The following ENG variants were observed in gnomAD, a reference collection of about 807,000 sequenced individuals.
ENG encodes the protein CD105 antigen.
A neutral mutation model predicts 71.0 loss-of-function variants in ENG; 17 were observed. That is an observed-to-expected ratio of 0.24 (90% CI 0.16 to 0.36). The LOEUF (loss-of-function observed/expected upper bound fraction) is 0.36, where lower values mean the gene tolerates loss of function less well. Ranked by LOEUF, ENG falls within the 10% of genes least tolerant of loss-of-function variation. The probability of loss-of-function intolerance (pLI) is 1.00; values close to 1 mark genes in which losing one functional copy is unlikely to be tolerated. For missense variants in ENG, 749 were observed against 868.3 expected, an observed-to-expected ratio of 0.86 and a Z score of 1.73; for synonymous variants, 360 against 366.9, an observed-to-expected ratio of 0.98 and a Z score of 0.21.
At chr9:127,815,849 G>A (rs1236183989) in intron 14 of ENG, 43 bp from the exon 15 acceptor site, 1 of 1,550,688 alleles carries the variant, frequency 6.4e-7, no homozygotes, top group South Asian at 1.2e-5. Flanking sequence ...CAGGGTCCTG[G>A]CCAGGGCCCC....
chr9:127,835,383 T>A (rs1830876265), intron 2 of ENG, among the ~76,000 whole-genome samples: 1 of 152,136 alleles, frequency 6.6e-6, no homozygotes. Context: ...CCCTCTCAAC[T>A]GCACCTCTCT....
intron 8 of ENG, among the ~76,000 whole-genome samples, chr9:127,820,299 T>C (rs1316799327): frequency 6.6e-6 from 1 of 152,086 alleles, no homozygotes; most frequent in Admixed American, 6.5e-5. Flanking sequence ...GTTCAAGCGA[T>C]TCTCCTGCCT....
chr9:127,825,286 T>C lies in ENG; in HGVS notation c.761A>G (p.Gln254Arg), dbSNP rs1830580986. 4 of 1,611,148 alleles carry C rather than the reference T, an allele frequency of 2.5e-6. No individual in the cohort carries two copies. In the East Asian group the frequency reaches 8.9e-5, roughly 36 times the overall value. ...PGDLDAVLIL[Q>R]GPPYVSWLID... is the part of the protein sequence containing the mutation. ...GAGCCAGGACACGTAGGGGGGACCC[T>C]GCAGGATGAGGACGGCATCGAGATC... Residue 254 changes from glutamine (Q) to arginine (R), a missense_variant, in exon 6 of 15, where the codon CAG becomes CGG. Transcript: ENST00000373203.
At chr9:127,843,346 C>G (rs1831088154) in intron 1 of ENG, 101 bp from the exon 2 acceptor site, 1 of 1,494,994 alleles carries the variant, frequency 6.7e-7, no homozygotes, top group African/African-American at 1.4e-5. Flanking sequence ...GAGCTAACGG[C>G]TTTCCTGCAT....
In ENG at chr9:127,825,362, G is replaced by C. The variant is rs374628465; in HGVS notation, c.690-5C>G. ...TTCACCGTCACCGTCCGGGGCCTGCGGGGAGACAGACGCGGATGGAACACT... is the reference window on the plus strand; with the variant it reads ...TTCACCGTCACCGTCCGGGGCCTGCCGGGAGACAGACGCGGATGGAACACT... On this transcript the variant is annotated splice_polypyrimidine_tract_variant and splice_region_variant and intron_variant, in intron 5 of 14. Transcript: ENST00000373203. 1.2e-6 allele frequency: 2 copies of C among 1,609,754 alleles called. No homozygotes were observed. Among genetic ancestry groups the C allele is most frequent in the Non-Finnish European group, 1.7e-6 (2 of 1,179,604 alleles).
chr9:127,829,094 T>G (rs1016852802), intron 3 of ENG, among the ~76,000 whole-genome samples: 5 of 152,190 alleles, frequency 3.3e-5, no homozygotes, highest in African/African-American at 1.2e-4. Context: ...CTTTTGGTTG[T>G]TTGTTTTTAA....
Position 127,829,839 on chromosome 9 carries a change from AGAG to A in ENG, c.220-15_220-13del, listed in dbSNP as rs747642549. ...AGCTGTGACGGGCCCTGGGGGACACAGAGGAGAGACACACACAGTCCAGTCAGA... is the reference window on the plus strand; with the variant it reads ...AGCTGTGACGGGCCCTGGGGGACACAGAGAGACACACACAGTCCAGTCAGA... On this transcript the variant is annotated splice_polypyrimidine_tract_variant and intron_variant, in intron 2 of 14. Transcript: ENST00000373203. 8.7e-6 allele frequency: 14 copies of A among 1,613,496 alleles called. No homozygotes were observed. Among genetic ancestry groups the A allele is most frequent in the Middle Eastern group, 3.3e-4 (2 of 6,084 alleles).
intron 8 of ENG, 106 bp downstream of exon 8, chr9:127,824,198 G>A (rs778191568): frequency 5.9e-6 from 9 of 1,517,426 alleles, no homozygotes; most frequent in Middle Eastern, 1.7e-4. Flanking sequence ...CTTGCAGAGG[G>A]ACGTGACTTG....
chr9:127,839,993 TAAC>T (rs1285407142), intron 2 of ENG, among the ~76,000 whole-genome samples: 3 of 152,128 alleles, frequency 2.0e-5, no homozygotes, highest in Admixed American at 6.5e-5. Context: ...GAAATAATAA[TAAC>T]AATAACCGTA....
Position 127,815,338 on chromosome 9 carries a change from C to T in ENG, c.*344G>A, listed in dbSNP as rs569243404. ...TGGCTGGGCTGGCCTGAATCTGTTT[C>T]AAGTTCTCCCTTCCTGCCCAGCTCA... On this transcript the variant is annotated 3_prime_UTR_variant, in exon 15 of 15. Coordinates refer to ENST00000373203, the MANE Select transcript of ENG (RefSeq NM_001114753.3). The T allele has an allele frequency of 3.5e-5, 10 of 286,374 alleles. No homozygotes were observed. Among genetic ancestry groups the T allele is most frequent in the African/African-American group, 1.7e-4 (8 of 46,102 alleles). 17.7% of individuals were successfully genotyped at this position (286,374 alleles called of 1,614,324 possible).
chr9:127,845,064 G>C (rs770315974), intron 1 of ENG, among the ~76,000 whole-genome samples: 5 of 152,236 alleles, frequency 3.3e-5, no homozygotes, highest in Non-Finnish European at 7.3e-5. Context: ...GGAATGTGCC[G>C]GGGGAAGGGG....
At chr9:127,834,789 G>A (rs2131903908) in intron 2 of ENG, among the ~76,000 whole-genome samples, 1 of 144,218 alleles carries the variant, frequency 6.9e-6, no homozygotes, top group African/African-American at 2.7e-5. Flanking sequence ...GCCTGCCTCA[G>A]CCTCCCAAAG....
At chr9:127,834,440 T>C (rs900486698) in intron 2 of ENG, among the ~76,000 whole-genome samples, 1 of 152,080 alleles carries the variant, frequency 6.6e-6, no homozygotes, top group Admixed American at 6.5e-5. Context: ...GATGGAGTCT[T>C]GCTCTGTTGC....
chr9:127,815,768 C>T lies in ENG; in HGVS notation c.1891G>A (p.Ala631Thr), dbSNP rs1259357802. The part of the protein sequence containing the change: ...SKREPVVAVA[A>T]PASSESSSTN... ...CTGCTGCTCTCCGAGGAGGCCGGGG[C>T]AGCCACCGCCACCACGGGCTCCCGC... Residue 631 changes from alanine to threonine, a missense_variant, in exon 15 of 15, where the codon GCC becomes ACC. Ala to Thr is a moderately conservative substitution (Grantham distance 58). Transcript: ENST00000373203. 4 of 1,545,144 alleles carry T rather than the reference C, an allele frequency of 2.6e-6. No individual in the cohort carries two copies. Among genetic ancestry groups the T allele is most frequent in the Admixed American group, 2.0e-5 (1 of 51,102 alleles).
chr9:127,829,986 G>A lies in ENG; in HGVS notation c.220-159C>T, dbSNP rs545935591. 8.5e-4 allele frequency among the ~76,000 whole-genome samples: 129 copies of A among 152,122 alleles called. 1 individual carries two copies. Among genetic ancestry groups the A allele is most frequent in the Non-Finnish European group, 1.6e-3 (108 of 67,994 alleles). ...GCCCAGGGTAGTGCCTGTCCCTCTGGCCATCCTCAGGGAATTCACAATAAA... is the reference window on the plus strand; with the variant it reads ...GCCCAGGGTAGTGCCTGTCCCTCTGACCATCCTCAGGGAATTCACAATAAA... On this transcript the variant is annotated intron_variant, in intron 2 of 14. Transcript: ENST00000373203.
At chr9:127,820,223 G>T (rs1278645606) in intron 8 of ENG, among the ~76,000 whole-genome samples, 186 bp from the exon 9 acceptor site, 1 of 152,024 alleles carries the variant, frequency 6.6e-6, no homozygotes, top group Non-Finnish European at 1.5e-5. Flanking sequence ...TTTTGAGATG[G>T]AGTCTCACTC....
At chr9:127,837,669 T>G (rs1168616227) in intron 2 of ENG, among the ~76,000 whole-genome samples, 2 of 152,186 alleles carry the variant, frequency 1.3e-5, no homozygotes, top group African/African-American at 4.8e-5. Context: ...CACTTGGGAA[T>G]AGCCAATCAC....
At chr9:127,818,694 G>T in intron 11 of ENG, 22 bp downstream of exon 11, 1 of 1,610,786 alleles carries the variant, frequency 6.2e-7, no homozygotes, top group South Asian at 1.1e-5. Context: ...GAGGCCCGAG[G>T]GGTGACAGGC....
At position 127,819,964 on chromosome 9, in the gene ENG, A is replaced by G. The variant is rs1830433526; in HGVS notation, c.1208T>C (p.Phe403Ser). Residue 403 changes from phenylalanine (F) to serine (S), a missense_variant, in exon 9 of 15, where the codon TTT (phenylalanine) becomes TCT (serine). Phe to Ser is a radical substitution (Grantham distance 155). Coordinates refer to ENST00000373203, the MANE Select transcript of ENG (RefSeq NM_001114753.3). ...GCTGGAGTAAGCACTGCGCAAGACA[A>G]ACTTGTCACCCCTGTCCTCTGCCTC... ...SCEAEDRGDK[F>S]VLRSAYSSCG... The G allele has an allele frequency of 6.2e-7, 1 of 1,614,200 alleles. No individual in the cohort carries two copies.
Sources: gnomAD v4.1 joint callset for allele counts (sites outside exome capture counted in the v4.1 genomes callset) on GRCh38, gnomAD v4.1.1 for gene constraint, MANE v1.5 for transcripts, NCBI Gene and HGNC (gene_info 2026-07-23, HGNC 2026-07-21) for gene names.